RAD51B: variants seen among roughly 807,000 people sequenced by gnomAD.
The protein encoded by RAD51B is DNA repair protein RAD51 homolog 2.
In RAD51B, 38 loss-of-function variants were observed where a neutral mutation model predicts 42.2. That is an observed-to-expected ratio of 0.90 (90% CI 0.70 to 1.18). RAD51B has a LOEUF of 1.18. Ranked by LOEUF, RAD51B falls within the 50% of genes most tolerant of loss-of-function variation. The probability of loss-of-function intolerance (pLI) is 0.00; values close to 1 mark genes in which losing one functional copy is unlikely to be tolerated. For missense variants in RAD51B, 373 were observed against 400.7 expected (o/e 0.93, Z 0.59); for synonymous variants, 154 against 145.2 (o/e 1.06, Z -0.43).
At chr14:68,485,068 C>T (rs978084114) in intron 10 of RAD51B, among the ~76,000 whole-genome samples, 2 of 152,152 alleles carry the variant, frequency 1.3e-5, no homozygotes, top group African/African-American at 2.4e-5. Flanking sequence ...ATAAGGAAGT[C>T]GCTGAAAACA....
chr14:68,592,257 G>GTGTC (rs71899742), intron 10 of RAD51B, among the ~76,000 whole-genome samples: 2,844 of 103,572 alleles, frequency 0.027, 89 homozygotes, highest in African/African-American at 0.12. Context: ...GCAATGATGT[G>GTGTC]TGTGTGTGTG....
At chr14:67,959,640 T>G (rs1350727702) in intron 7 of RAD51B, among the ~76,000 whole-genome samples, 1 of 152,220 alleles carries the variant, frequency 6.6e-6, no homozygotes, top group African/African-American at 2.4e-5. Flanking sequence ...TTGACATAGT[T>G]AAAGTTGATA....
chr14:68,219,757 G>A (rs1376678367), intron 7 of RAD51B, among the ~76,000 whole-genome samples: 2 of 152,076 alleles, frequency 1.3e-5, no homozygotes, highest in East Asian at 3.9e-4. Flanking sequence ...AACAATTCTG[G>A]TAATATGACA....
At chr14:68,497,487 T>G in intron 10 of RAD51B, 1 of 1,027,492 alleles carries the variant, frequency 9.7e-7, no homozygotes, top group East Asian at 5.2e-5. Context: ...ACACATAGGT[T>G]TTTTTTTTTT....
intron 7 of RAD51B, among the ~76,000 whole-genome samples, chr14:67,954,243 G>A (rs986115793): frequency 3.9e-5 from 6 of 152,154 alleles, no homozygotes; most frequent in Admixed American, 2.0e-4. Flanking sequence ...CATTCTCAAT[G>A]CCAAGATTAT....
intron 10 of RAD51B, among the ~76,000 whole-genome samples, chr14:68,487,197 A>G (rs995074875): frequency 6.6e-6 from 1 of 152,214 alleles, no homozygotes; most frequent in Non-Finnish European, 1.5e-5. Context: ...TCCGCAATCC[A>G]GGCTCCAGCA....
intron 10 of RAD51B, 24 bp from the exon 11 acceptor site, chr14:68,477,624 C>G: frequency 1.9e-6 from 3 of 1,581,418 alleles, no homozygotes; most frequent in Non-Finnish European, 2.6e-6. Flanking sequence ...TTCAAACTTT[C>G]TCTTTTTTTT....
At chr14:68,490,903 T>G (rs778986916) in intron 10 of RAD51B, among the ~76,000 whole-genome samples, 3 of 152,088 alleles carry the variant, frequency 2.0e-5, no homozygotes, top group Non-Finnish European at 2.9e-5. Flanking sequence ...AGATAAGCAA[T>G]GGGAGGCCTC....
chr14:67,824,392 G>A (rs1329350685), intron 2 of RAD51B, among the ~76,000 whole-genome samples: 1 of 152,032 alleles, frequency 6.6e-6, no homozygotes, highest in African/African-American at 2.4e-5. Context: ...TGAGTAGCTG[G>A]GATTACAGGC....
chr14:68,334,083 T>G (rs888540180), intron 8 of RAD51B, among the ~76,000 whole-genome samples: 1 of 152,084 alleles, frequency 6.6e-6, no homozygotes, highest in Non-Finnish European at 1.5e-5. Flanking sequence ...TCCAGGTTCA[T>G]CTATATTGTC....
intron 8 of RAD51B, among the ~76,000 whole-genome samples, chr14:68,367,777 T>A (rs1452030441): frequency 3.3e-5 from 5 of 152,176 alleles, no homozygotes; most frequent in Admixed American, 3.3e-4. Context: ...AGGAGAAGGA[T>A]CAAGAAGCAG....
intron 7 of RAD51B, among the ~76,000 whole-genome samples, chr14:68,093,648 C>G (rs1034632109): frequency 3.9e-5 from 6 of 152,050 alleles, no homozygotes; most frequent in Non-Finnish European, 8.8e-5. Context: ...TTTCAAAAAA[C>G]CAGCTCCTGG....
At chr14:67,848,328 T>C (rs1222662448) in intron 4 of RAD51B, among the ~76,000 whole-genome samples, 1 of 152,214 alleles carries the variant, frequency 6.6e-6, no homozygotes, top group South Asian at 2.1e-4. Flanking sequence ...GATTGTACCC[T>C]TTATCACTGT....
chr14:68,162,211 T>C (rs2078654060), intron 7 of RAD51B, among the ~76,000 whole-genome samples: 1 of 152,228 alleles, frequency 6.6e-6, no homozygotes, highest in African/African-American at 2.4e-5. Context: ...TTAATTTCCA[T>C]AGAAGCTAAC....
At chr14:68,395,568 C>T (rs1306236096) in intron 8 of RAD51B, among the ~76,000 whole-genome samples, 1 of 152,208 alleles carries the variant, frequency 6.6e-6, no homozygotes, top group African/African-American at 2.4e-5. Context: ...GGTCTTCCCA[C>T]CTTTTATTGT....
chr14:68,047,559 A>G (rs11158717), intron 7 of RAD51B, among the ~76,000 whole-genome samples: 46,905 of 152,112 alleles, frequency 0.31, 9,908 homozygotes, highest in African/African-American at 0.6. Context: ...GTAATTTAAC[A>G]TAATTGAAAT....
chr14:68,456,327 T>C (rs760218126), intron 9 of RAD51B, among the ~76,000 whole-genome samples: 8 of 152,138 alleles, frequency 5.3e-5, no homozygotes, highest in Non-Finnish European at 7.4e-5. Context: ...GATCCAACTA[T>C]ATATGCTGTC....
At chr14:68,064,769 T>A (rs1234675048) in intron 7 of RAD51B, among the ~76,000 whole-genome samples, 1 of 152,124 alleles carries the variant, frequency 6.6e-6, no homozygotes. Context: ...ATTTTTCTGT[T>A]CTATTTTTAT....
intron 10 of RAD51B, among the ~76,000 whole-genome samples, chr14:68,639,222 G>A (rs906611244): frequency 6.6e-6 from 1 of 152,180 alleles, no homozygotes; most frequent in African/African-American, 2.4e-5. Context: ...TTTGTTTCTT[G>A]CTCACATAAA....
Sources: allele counts gnomAD v4.1 joint callset (sites outside exome capture counted in the v4.1 genomes callset), GRCh38; gene constraint gnomAD v4.1.1; transcripts MANE v1.5; gene names NCBI Gene and HGNC (gene_info 2026-07-23, HGNC 2026-07-21).